Variants in IPO11 observed in about 807,000 individuals in gnomAD.
IPO11 encodes importin 11, also known as importin-11.
IPO11 carries 66 observed loss-of-function variants against 143.2 expected under a neutral mutation model. The ratio of observed to expected loss-of-function variants is 0.46; its 90% CI spans 0.38 to 0.57. The LOEUF is 0.57. IPO11 is among the 20% of genes least tolerant of loss of function. The probability of loss-of-function intolerance (pLI) is 0.00; values close to 1 mark genes in which losing one functional copy is unlikely to be tolerated. For missense variants in IPO11, 1,026 were observed against 1,141.0 expected (o/e 0.90, Z 1.45); for synonymous variants, 385 against 377.8 (o/e 1.02, Z -0.22).
chr5:62,517,291 G>C (rs944430012), intron 20 of IPO11, among the ~76,000 whole-genome samples: 3 of 152,200 alleles, frequency 2.0e-5, no homozygotes, highest in African/African-American at 7.2e-5. Flanking sequence ...CCGTTTTATA[G>C]AAGAGGATAA....
At chr5:62,490,076 C>T in intron 14 of IPO11, 39 bp from the exon 15 acceptor site, 1 of 1,302,824 alleles carries the variant, frequency 7.7e-7, no homozygotes, top group South Asian at 1.5e-5. Context: ...GATCTGATAT[C>T]TGAAACCTTT....
intron 16 of IPO11, among the ~76,000 whole-genome samples, chr5:62,498,374 A>G (rs1441000145): frequency 6.6e-6 from 1 of 152,150 alleles, no homozygotes; most frequent in East Asian, 1.9e-4. Context: ...TTTATAATAT[A>G]TTAGTTAGTA....
At chr5:62,574,917 T>C (rs974004064) in intron 27 of IPO11, among the ~76,000 whole-genome samples, 1 of 152,236 alleles carries the variant, frequency 6.6e-6, no homozygotes, top group Non-Finnish European at 1.5e-5. Context: ...ACAGGCATAG[T>C]TGAAATTTTA....
intron 26 of IPO11, among the ~76,000 whole-genome samples, chr5:62,556,196 G>A (rs1200981122): frequency 6.6e-6 from 1 of 152,130 alleles, no homozygotes; most frequent in Non-Finnish European, 1.5e-5. Flanking sequence ...ATGTTGGCAG[G>A]CACCTGTAAT....
chr5:62,561,128 T>A lies in IPO11; in HGVS notation c.2461-8T>A. ...GGTATTTTGAGATGCCTCCTCCTCT[T>A]GTTTCAGATGGACCAGCTTTTGGGA... On this transcript the variant is annotated splice_region_variant and splice_polypyrimidine_tract_variant and intron_variant, in intron 26 of 29. Coordinates refer to ENST00000325324, the MANE Select transcript of IPO11 (RefSeq NM_016338.5). 1.3e-6 allele frequency: 2 copies of A among 1,599,796 alleles called. No individual in the cohort carries two copies. Among genetic ancestry groups the A allele is most frequent in the Middle Eastern group, 1.7e-4 (1 of 5,994 alleles).
At chr5:62,443,406 TGTGTGTGTGTGTGTGC>T (rs1190784571) in intron 3 of IPO11, 118 of 188,140 alleles carry the variant, frequency 6.3e-4, no homozygotes, top group African/African-American at 2.3e-3. Context: ...TGTGTGTGTG[TGTGTGTGTGTGTGTGC>T]GTGTGTGCGT....
In IPO11 at chr5:62,559,516, T is replaced by A. The variant is rs147704836; in HGVS notation, c.2461-1620T>A. Among the ~76,000 whole-genome samples the A allele has an allele frequency of 6.0e-3, 918 of 152,270 alleles. 5 individuals are homozygous for A. The highest frequency in any genetic ancestry group is 0.01 in the Admixed American group (158 of 15,304). On this transcript the variant is annotated intron_variant, in intron 26 of 29. Transcript: ENST00000325324. ...TAATATTCTAAATCATTTGTTGTTA[T>A]TTTAGCAGTGTTCACAGCATCTTCA...
chr5:62,515,463 A>C lies in IPO11; in HGVS notation c.1858A>C (p.Arg620=), dbSNP rs1053998487. ...WKQSEEHNML[R]CAILTTLIHL... ...GCAGAGTGAAGAACACAATATGTTGAGATGTGCTATTTTGACAACACTTAT... is the reference window on the plus strand; with the variant it reads ...GCAGAGTGAAGAACACAATATGTTGCGATGTGCTATTTTGACAACACTTAT... The change falls in exon 20 of 30, where the codon AGA becomes CGA. Residue 620 remains arginine, a synonymous_variant. Transcript: ENST00000325324. The C allele has an allele frequency of 6.2e-7, 1 of 1,609,180 alleles. No individual in the cohort carries two copies. Among genetic ancestry groups the C allele is most frequent in the Non-Finnish European group, 8.5e-7 (1 of 1,178,324 alleles).
At chr5:62,514,312 G>A (rs28733520) in intron 19 of IPO11, among the ~76,000 whole-genome samples, 1 of 152,082 alleles carries the variant, frequency 6.6e-6, no homozygotes, top group African/African-American at 2.4e-5. Flanking sequence ...ATTGAGCACT[G>A]AGTGAATGAG....
chr5:62,545,424 C>T (rs2112338550), intron 24 of IPO11, among the ~76,000 whole-genome samples: 1 of 152,242 alleles, frequency 6.6e-6, no homozygotes, highest in Middle Eastern at 3.4e-3. Context: ...GGATCCCTTC[C>T]TTACACCTTA....
rs537176660 is a variant in IPO11, at chr5:62,427,734, C to G, written c.-6-9540C>G. Among the ~76,000 whole-genome samples the G allele has an allele frequency of 5.9e-5, 9 of 152,322 alleles. No individual in the cohort carries two copies. In the South Asian group the frequency reaches 1.2e-3, roughly 21 times the overall value. On this transcript the variant is annotated intron_variant, in intron 1 of 29. Transcript: ENST00000325324. ...CAGTTTCATCCAGAAACCATCCCCC[C>G]CTGCCCTTTACCCCTCTTCCACTGC...
chr5:62,622,102 T>G (rs1374840296), intron 29 of IPO11, among the ~76,000 whole-genome samples: 1 of 152,180 alleles, frequency 6.6e-6, no homozygotes, highest in Admixed American at 6.5e-5. Context: ...TTCTTTTATT[T>G]TAATGCATAT....
chr5:62,503,968 G>A (rs1741451141), intron 16 of IPO11, among the ~76,000 whole-genome samples: 1 of 152,180 alleles, frequency 6.6e-6, no homozygotes, highest in Admixed American at 6.5e-5. Flanking sequence ...ATTTAGTCAT[G>A]TCTTGAGCTC....
intron 27 of IPO11, among the ~76,000 whole-genome samples, chr5:62,573,171 C>T (rs1228603484): frequency 6.6e-6 from 1 of 152,088 alleles, no homozygotes; most frequent in Non-Finnish European, 1.5e-5. Flanking sequence ...GTACCTGCCA[C>T]CACGCCCGGC....
At chr5:62,532,189 C>T (rs775669491) in intron 22 of IPO11, among the ~76,000 whole-genome samples, 76 of 152,124 alleles carry the variant, frequency 5.0e-4, no homozygotes, top group Non-Finnish European at 7.4e-5. Flanking sequence ...GTCTCCACAA[C>T]GTTCAGTTCC....
chr5:62,550,828 T>C (rs185303358), intron 25 of IPO11, among the ~76,000 whole-genome samples: 76 of 152,024 alleles, frequency 5.0e-4, no homozygotes, highest in Non-Finnish European at 9.3e-4. Context: ...ACAGCTCTCT[T>C]AAATAGATCC....
chr5:62,457,955 T>C (rs2112174191), intron 5 of IPO11, among the ~76,000 whole-genome samples: 1 of 152,192 alleles, frequency 6.6e-6, no homozygotes, highest in South Asian at 2.1e-4. Context: ...GAGACCATCC[T>C]GGCTAACACG....
intron 3 of IPO11, among the ~76,000 whole-genome samples, chr5:62,443,635 AG>A (rs201691233): frequency 1.1e-3 from 161 of 151,040 alleles, no homozygotes; most frequent in Admixed American, 1.7e-3. Context: ...AGGATTTGGA[AG>A]AAAAAAAAAG....
chr5:62,473,129 G>A (rs904856449), intron 7 of IPO11, among the ~76,000 whole-genome samples: 4 of 152,240 alleles, frequency 2.6e-5, no homozygotes, highest in East Asian at 3.9e-4. Context: ...GACAGAAATA[G>A]TATGAAAATG....
Sources: allele counts gnomAD v4.1 joint callset (sites outside exome capture counted in the v4.1 genomes callset), GRCh38; gene constraint gnomAD v4.1.1; transcripts MANE v1.5; gene names NCBI Gene and HGNC (gene_info 2026-07-23, HGNC 2026-07-21).